GNAL: variants seen among roughly 807,000 people sequenced by gnomAD.
GNAL encodes guanine nucleotide-binding protein G(olf) subunit alpha.
Under a neutral mutation model 55.1 loss-of-function variants are expected in GNAL, and 18 were observed. The ratio of observed to expected loss-of-function variants is 0.33; its 90% CI spans 0.23 to 0.48. The LOEUF (loss-of-function observed/expected upper bound fraction) is 0.48, where lower values mean the gene tolerates loss of function less well. GNAL is among the 20% of genes least tolerant of loss of function. The pLI is 0.99. For synonymous variants in GNAL, 253 were observed against 237.0 expected, an observed-to-expected ratio of 1.07 and a Z score of -0.62; for missense variants, 412 against 614.1, an observed-to-expected ratio of 0.67 and a Z score of 3.48.
chr18:11,752,360 C>T lies in GNAL; in HGVS notation c.377-493C>T, dbSNP rs1024915888. 2.6e-6 allele frequency: 4 copies of T among 1,518,204 alleles called. No homozygotes were observed. In the African/African-American group the frequency reaches 4.3e-5, roughly 16 times the overall value. 94.0% of individuals were successfully genotyped at this position (1,518,204 alleles called of 1,614,324 possible). A position where few individuals can be genotyped will look rare whatever the true frequency, so the allele number is the denominator to read the frequency against. On this transcript the variant is annotated intron_variant, in intron 1 of 11. Coordinates refer to ENST00000334049, the MANE Select transcript of GNAL (RefSeq NM_182978.4). The surrounding 1 kb of genome is among the most constrained non-coding windows in gnomAD (Gnocchi z 4.5). ...GAAAGAGAGGAGCCGTCGCAGGAGCCGCACACGTCTCCAACTCTCTATTGC... is the reference window on the plus strand; with the variant it reads ...GAAAGAGAGGAGCCGTCGCAGGAGCTGCACACGTCTCCAACTCTCTATTGC...
chr18:11,793,176 TA>T (rs2034283284), intron 4 of GNAL, among the ~76,000 whole-genome samples: 1 of 151,864 alleles, frequency 6.6e-6, no homozygotes, highest in Non-Finnish European at 1.5e-5. Context: ...ATCAAAATTT[TA>T]AAATTTGTGC....
chr18:11,767,552 G>T (rs975927431), intron 4 of GNAL, among the ~76,000 whole-genome samples: 19 of 151,952 alleles, frequency 1.3e-4, no homozygotes, highest in African/African-American at 3.9e-4. Flanking sequence ...CCTTGTGCTT[G>T]CACACTTGCA....
At position 11,776,017 on chromosome 18, in the gene GNAL, C is replaced by T. The variant is rs569804619; in HGVS notation, c.624+22072C>T. ...TTCAAGCCTAGAGAAAAGGTGTCTCCGGATGGGAGTGATTTATAATTCGCC... is the reference window on the plus strand; with the variant it reads ...TTCAAGCCTAGAGAAAAGGTGTCTCTGGATGGGAGTGATTTATAATTCGCC... On this transcript the variant is annotated intron_variant, in intron 4 of 11. Coordinates refer to ENST00000334049, the MANE Select transcript of GNAL (RefSeq NM_182978.4). Among the ~76,000 whole-genome samples the T allele has an allele frequency of 6.6e-4, 100 of 152,170 alleles. 1 individual carries two copies. Among genetic ancestry groups the T allele is most frequent in the Non-Finnish European group, 1.2e-3 (81 of 68,040 alleles).
chr18:11,755,593 A>G (rs2143129455), intron 4 of GNAL, among the ~76,000 whole-genome samples: 1 of 152,320 alleles, frequency 6.6e-6, no homozygotes, highest in South Asian at 2.1e-4. Context: ...CTTTTTTAAA[A>G]AGCTTTTATT....
In GNAL at chr18:11,884,694, A is replaced by G; in HGVS notation, c.*3559A>G. ...CACGTTGAACACCGCAGTCTTAGAA[A>G]CAGCAGAGGGAAGACTGCCTTCTCA... On this transcript the variant is annotated 3_prime_UTR_variant, in exon 12 of 12. Coordinates refer to ENST00000334049, the MANE Select transcript of GNAL (RefSeq NM_182978.4). 6.6e-7 allele frequency: 1 copy of G among 1,520,038 alleles called. No homozygotes were observed. Among genetic ancestry groups the G allele is most frequent in the Non-Finnish European group, 9.1e-7 (1 of 1,104,854 alleles). The allele number at this position is 1,520,038 out of a possible 1,614,324, so 94.2% of individuals were successfully genotyped here. A position where few individuals can be genotyped will look rare whatever the true frequency, so the allele number is the denominator to read the frequency against.
chr18:11,764,417 G>C (rs916921471), intron 4 of GNAL, among the ~76,000 whole-genome samples: 1 of 152,168 alleles, frequency 6.6e-6, no homozygotes, highest in African/African-American at 2.4e-5. Context: ...CAAATATCCT[G>C]TTCTTATCAA....
intron 1 of GNAL, among the ~76,000 whole-genome samples, chr18:11,695,627 T>A (rs2031382514): frequency 6.6e-6 from 1 of 152,242 alleles, no homozygotes; most frequent in Admixed American, 6.5e-5. Context: ...AGGGTTATCA[T>A]GTTCCACTCA....
chr18:11,755,242 A>G (rs2033010215), intron 4 of GNAL, among the ~76,000 whole-genome samples: 1 of 152,078 alleles, frequency 6.6e-6, no homozygotes, highest in African/African-American at 2.4e-5. Flanking sequence ...TGGGCTCTGT[A>G]TTGGGATGGC....
At chr18:11,851,055 C>T (rs911217772) in intron 5 of GNAL, among the ~76,000 whole-genome samples, 9 of 152,216 alleles carry the variant, frequency 5.9e-5, no homozygotes, top group Non-Finnish European at 1.5e-5. Context: ...AGCCCGCTAG[C>T]CAGTCACCCT....
At position 11,883,593 on chromosome 18, in the gene GNAL, T is replaced by C. The variant is rs967723017; in HGVS notation, c.*2458T>C. ...TAACAGATGTAGCAACGTGGTCTCC[T>C]ATAGAGAAAATTACACTTATCTAAA... is the stretch of plus-strand genomic sequence containing the variant. On this transcript the variant is annotated 3_prime_UTR_variant, in exon 12 of 12. Coordinates refer to ENST00000334049, the MANE Select transcript of GNAL (RefSeq NM_182978.4). 2 of 153,606 alleles carry C rather than the reference T, an allele frequency of 1.3e-5. No homozygotes were observed. Among genetic ancestry groups the C allele is most frequent in the Non-Finnish European group, 2.9e-5 (2 of 68,050 alleles). 9.5% of individuals were successfully genotyped at this position (153,606 alleles called of 1,614,324 possible). A position where few individuals can be genotyped will look rare whatever the true frequency, so the allele number is the denominator to read the frequency against.
chr18:11,787,691 A>G (rs1056383778), intron 4 of GNAL, among the ~76,000 whole-genome samples: 1 of 152,118 alleles, frequency 6.6e-6, no homozygotes, highest in Non-Finnish European at 1.5e-5. Context: ...TGGCTAACAC[A>G]GTGAAACCCC....
chr18:11,857,555 A>G, intron 5 of GNAL: 23 of 985,468 alleles, frequency 2.3e-5, no homozygotes, highest in Non-Finnish European at 2.7e-5. Context: ...ATGATGGTTC[A>G]GGCAGAGATT....
intron 1 of GNAL, chr18:11,746,551 A>G (rs2032691250): frequency 4.2e-6 from 1 of 238,614 alleles, no homozygotes. Context: ...TTGAGGCTAC[A>G]GTGAGCTGTG....
At chr18:11,835,541 C>G (rs1309937091) in intron 5 of GNAL, among the ~76,000 whole-genome samples, 2 of 151,476 alleles carry the variant, frequency 1.3e-5, no homozygotes, top group African/African-American at 4.9e-5. Context: ...GTGTTCACTA[C>G]AAAATTATTT....
intron 1 of GNAL, among the ~76,000 whole-genome samples, chr18:11,697,954 C>T (rs547835689): frequency 1.3e-5 from 2 of 152,186 alleles, no homozygotes; most frequent in African/African-American, 4.8e-5. Flanking sequence ...AGTGCACTGG[C>T]CAGGTTGGAC....
At chr18:11,692,670 A>T (rs186068088) in intron 1 of GNAL, among the ~76,000 whole-genome samples, 43 of 150,910 alleles carry the variant, frequency 2.8e-4, no homozygotes, top group African/African-American at 1.0e-3. Context: ...TAATCCCAGC[A>T]CTTTGAGAAG....
At chr18:11,730,316 G>A (rs1406667142) in intron 1 of GNAL, among the ~76,000 whole-genome samples, 2 of 151,798 alleles carry the variant, frequency 1.3e-5, no homozygotes, top group Non-Finnish European at 2.9e-5. Flanking sequence ...CCGGCACCAC[G>A]CCCAGCTAAT....
chr18:11,844,777 C>T (rs183931645), intron 5 of GNAL, among the ~76,000 whole-genome samples: 2 of 152,136 alleles, frequency 1.3e-5, no homozygotes, highest in Admixed American at 6.5e-5. Context: ...CCGAGGAGGA[C>T]GAGAGAAGAT....
intron 5 of GNAL, among the ~76,000 whole-genome samples, chr18:11,840,730 TTCAG>T (rs2035595492): frequency 6.6e-6 from 1 of 152,164 alleles, no homozygotes; most frequent in African/African-American, 2.4e-5. Flanking sequence ...CTGTGACAGA[TTCAG>T]TCAATGTACA....
Sources: gnomAD v4.1 joint callset for allele counts (sites outside exome capture counted in the v4.1 genomes callset) on GRCh38, gnomAD v4.1.1 for gene constraint, Gnocchi (gnomAD v3.1) non-coding constraint, MANE v1.5 for transcripts, NCBI Gene and HGNC (gene_info 2026-07-23, HGNC 2026-07-21) for gene names.